SERINC5: variants seen among roughly 807,000 people sequenced by gnomAD.
SERINC5 encodes the protein chromosome 5 open reading frame 12.
SERINC5 carries 41 observed loss-of-function variants against 63.1 expected under a neutral mutation model. The observed-to-expected ratio is 0.65, with a 90% CI of 0.51 to 0.84. The LOEUF is 0.84. SERINC5 is among the 40% of genes least tolerant of loss of function. SERINC5 has a pLI of 0.00. For missense variants in SERINC5, 523 were observed against 573.0 expected (o/e 0.91, Z 0.89); for synonymous variants, 222 against 215.2 (o/e 1.03, Z -0.28).
chr5:80,198,539 C>T, intron 2 of SERINC5: 2 of 985,416 alleles, frequency 2.0e-6, no homozygotes, highest in Non-Finnish European at 2.4e-6. Flanking sequence ...GGGTAGGAGG[C>T]ACTTACACAC....
At chr5:80,184,724 T>A (rs1748692605) in intron 2 of SERINC5, among the ~76,000 whole-genome samples, 1 of 152,086 alleles carries the variant, frequency 6.6e-6, no homozygotes, top group Admixed American at 6.6e-5. Context: ...TATTTGCTGT[T>A]CCAAAGTCCA....
intron 1 of SERINC5, among the ~76,000 whole-genome samples, chr5:80,233,156 T>C (rs531902078): frequency 2.0e-5 from 3 of 152,338 alleles, no homozygotes; most frequent in African/African-American, 7.2e-5. Context: ...CCGGGTGCAG[T>C]GGCTCACGCC....
chr5:80,131,762 A>G (rs924467841), intron 11 of SERINC5, among the ~76,000 whole-genome samples: 8 of 152,216 alleles, frequency 5.3e-5, no homozygotes, highest in African/African-American at 1.9e-4. Context: ...CACACCTCAC[A>G]TAGTCTTTTG....
intron 11 of SERINC5, among the ~76,000 whole-genome samples, chr5:80,127,864 AAAC>A (rs2112247959): frequency 6.6e-6 from 1 of 152,314 alleles, no homozygotes; most frequent in African/African-American, 2.4e-5. Flanking sequence ...TCAAGGAAAA[AAAC>A]AACAAAGCAG....
intron 11 of SERINC5, 151 bp downstream of exon 11, chr5:80,145,939 A>G (rs1182521621): frequency 2.1e-5 from 15 of 703,284 alleles, no homozygotes; most frequent in East Asian, 1.7e-4. Context: ...GAACCTGGGA[A>G]GCAGAGGTTG....
intron 12 of SERINC5, chr5:80,113,565 G>A (rs1472079533): frequency 7.7e-6 from 2 of 260,316 alleles, no homozygotes; most frequent in Non-Finnish European, 1.5e-5. Context: ...GGTTTAATTG[G>A]ACTTACAGTT....
rs772733955 is a variant in SERINC5 at position 80,178,045 on chromosome 5, A to T, written c.215T>A (p.Met72Lys). ...MKEHIPFFEDMCKGIKAGDTC... is the reference protein window; with the variant it reads ...MKEHIPFFEDKCKGIKAGDTC... ...GTCACCAGCTTTAATGCCTTTACAC[A>T]TATCTTCAAAAAAAGGAATCTGAGG... The change falls in exon 3 of 12, where the codon ATG (methionine) becomes AAG (lysine). Residue 72 changes from methionine to lysine, a missense_variant. By Grantham distance (95) the Met-to-Lys change is moderately conservative. Transcript: ENST00000507668. 1 of 1,597,260 alleles carries T rather than the reference A, an allele frequency of 6.3e-7. No homozygotes were observed. Among genetic ancestry groups the T allele is most frequent in the South Asian group, 1.1e-5 (1 of 87,166 alleles).
chr5:80,246,869 A>G (rs2112605585), intron 1 of SERINC5, among the ~76,000 whole-genome samples: 1 of 152,322 alleles, frequency 6.6e-6, no homozygotes, highest in South Asian at 2.1e-4. Flanking sequence ...AGGGCAGCAA[A>G]GGTTTACTCT....
chr5:80,206,154 T>TG (rs1750153258), intron 1 of SERINC5, among the ~76,000 whole-genome samples: 1 of 152,190 alleles, frequency 6.6e-6, no homozygotes, highest in Non-Finnish European at 1.5e-5. Flanking sequence ...CAATAAAATC[T>TG]GTATGTATTA....
intron 1 of SERINC5, among the ~76,000 whole-genome samples, chr5:80,213,245 C>G (rs202105646): frequency 7.2e-4 from 96 of 132,602 alleles, no homozygotes; most frequent in African/African-American, 1.3e-3. Flanking sequence ...GACTGCATCT[C>G]AAAGAAAGAA....
chr5:80,226,801 G>A (rs79382370), intron 1 of SERINC5, among the ~76,000 whole-genome samples: 16,428 of 152,142 alleles, frequency 0.11, 1,003 homozygotes, highest in Middle Eastern at 0.14. Context: ...TTCTTAGCAT[G>A]GATTTACTTC....
rs1745403164 is a variant in SERINC5, at chr5:80,139,999, A to G, written c.*3664T>C. On this transcript the variant is annotated 3_prime_UTR_variant, in exon 12 of 12. Transcript: ENST00000507668. ...TCCTTCGCAGGAAGGTGAAGCACCA[A>G]TGATGGCAAAAATTAAATAAATACA... 4.1e-6 allele frequency: 4 copies of G among 985,428 alleles called. No individual in the cohort carries two copies. The highest frequency in any genetic ancestry group is 3.6e-6 in the Non-Finnish European group (3 of 829,942). 61.0% of individuals were successfully genotyped at this position (985,428 alleles called of 1,614,324 possible). A position where few individuals can be genotyped will look rare whatever the true frequency, so the allele number is the denominator to read the frequency against.
At chr5:80,215,486 G>T (rs1294773968) in intron 1 of SERINC5, among the ~76,000 whole-genome samples, 3 of 152,116 alleles carry the variant, frequency 2.0e-5, no homozygotes, top group Non-Finnish European at 4.4e-5. Context: ...GATTAATACG[G>T]CTACCTAAAA....
intron 1 of SERINC5, among the ~76,000 whole-genome samples, chr5:80,237,231 T>C (rs1751735451): frequency 6.6e-6 from 1 of 152,244 alleles, no homozygotes; most frequent in Non-Finnish European, 1.5e-5. Context: ...GTGAGTGCTA[T>C]TGGCATCTGG....
chr5:80,132,035 G>A (rs1744966948), intron 11 of SERINC5, among the ~76,000 whole-genome samples: 1 of 152,122 alleles, frequency 6.6e-6, no homozygotes, highest in Non-Finnish European at 1.5e-5. Flanking sequence ...CGGCCTAGTT[G>A]AGCATTTCTG....
chr5:80,225,833 C>T (rs1751141897), intron 1 of SERINC5, among the ~76,000 whole-genome samples: 1 of 152,122 alleles, frequency 6.6e-6, no homozygotes, highest in Non-Finnish European at 1.5e-5. Flanking sequence ...CTTTGCAGCA[C>T]GTTCAACAAT....
chr5:80,237,745 A>G (rs1199307316), intron 1 of SERINC5, among the ~76,000 whole-genome samples: 2 of 147,356 alleles, frequency 1.4e-5, no homozygotes, highest in African/African-American at 2.5e-5. Flanking sequence ...TATCTGCCAC[A>G]CCCCTCTGCA....
chr5:80,215,372 C>A (rs1417886275), intron 1 of SERINC5, among the ~76,000 whole-genome samples: 1 of 152,194 alleles, frequency 6.6e-6, no homozygotes, highest in Admixed American at 6.5e-5. Context: ...AAAAGCAGAA[C>A]CTGCTATGCT....
At chr5:80,227,014 G>A (rs1236825582) in intron 1 of SERINC5, among the ~76,000 whole-genome samples, 1 of 152,120 alleles carries the variant, frequency 6.6e-6, no homozygotes, top group Non-Finnish European at 1.5e-5. Flanking sequence ...TCCTGTCTCA[G>A]CATCCTGAGT....
Sources: gnomAD v4.1 joint callset for allele counts (sites outside exome capture counted in the v4.1 genomes callset) on GRCh38, gnomAD v4.1.1 for gene constraint, MANE v1.5 for transcripts, NCBI Gene and HGNC (gene_info 2026-07-23, HGNC 2026-07-21) for gene names.